Variants in SORCS2 observed in about 807,000 individuals in gnomAD.
SORCS2 encodes sortilin related VPS10 domain containing receptor 2, also known as VPS10 domain-containing receptor SorCS2.
Under a neutral mutation model 141.6 loss-of-function variants are expected in SORCS2, and 100 were observed. The ratio of observed to expected loss-of-function variants is 0.71; its 90% CI spans 0.60 to 0.83. SORCS2 has a LOEUF of 0.83. Ranked by LOEUF, SORCS2 falls within the 40% of genes least tolerant of loss-of-function variation. The probability of loss-of-function intolerance (pLI) is 0.00; values close to 1 mark genes in which losing one functional copy is unlikely to be tolerated. For synonymous variants in SORCS2, 789 were observed against 676.9 expected (o/e 1.17, Z -2.57); for missense variants, 1,646 against 1,560.2 (o/e 1.05, Z -0.93).
intron 1 of SORCS2, among the ~76,000 whole-genome samples, chr4:7,382,720 G>A (rs918532890): frequency 1.3e-5 from 2 of 151,964 alleles, no homozygotes; most frequent in Admixed American, 6.6e-5. Flanking sequence ...GCGTACGGGG[G>A]CTGGAGGGGA....
At chr4:7,739,330 C>A (rs1197407263) in intron 26 of SORCS2, among the ~76,000 whole-genome samples, 4 of 152,112 alleles carry the variant, frequency 2.6e-5, no homozygotes, top group African/African-American at 4.8e-5. Context: ...CAGGCGGCAT[C>A]ACCCCCATGC....
chr4:7,479,448 C>T (rs1449121477), intron 2 of SORCS2, among the ~76,000 whole-genome samples: 3 of 152,218 alleles, frequency 2.0e-5, no homozygotes, highest in African/African-American at 7.2e-5. Flanking sequence ...GCTTAGAGGT[C>T]ATCTCCCAGA....
intron 2 of SORCS2, among the ~76,000 whole-genome samples, chr4:7,489,668 T>C (rs144920610): frequency 1.6e-4 from 24 of 152,328 alleles, no homozygotes; most frequent in African/African-American, 5.3e-4. Flanking sequence ...TGAAAATCAA[T>C]GCATGTAATT....
At chr4:7,324,147 C>CA (rs1404096989) in intron 1 of SORCS2, among the ~76,000 whole-genome samples, 1 of 152,234 alleles carries the variant, frequency 6.6e-6, no homozygotes, top group Non-Finnish European at 1.5e-5. Context: ...CAGTCTGGCT[C>CA]TAAAGCCTAT....
At chr4:7,227,076 T>G (rs1310544037) in intron 1 of SORCS2, among the ~76,000 whole-genome samples, 1 of 152,130 alleles carries the variant, frequency 6.6e-6, no homozygotes, top group African/African-American at 2.4e-5. Flanking sequence ...TATGCACCTG[T>G]GGGTACTCTT....
chr4:7,737,318 G>A lies in SORCS2; in HGVS notation c.3415+146G>A, dbSNP rs918539966. ...AGCAGCCCTTGCCAGCGGGTCGGTC[G>A]GGCCCACTGTGTCCCCTCCATCTGA... On this transcript the variant is annotated intron_variant, in intron 26 of 26. Transcript: ENST00000507866. 2.9e-5 allele frequency: 34 copies of A among 1,155,230 alleles called. 1 individual carries two copies. Among genetic ancestry groups the A allele is most frequent in the South Asian group, 1.7e-4 (11 of 62,876 alleles). 71.6% of individuals were successfully genotyped at this position (1,155,230 alleles called of 1,614,324 possible).
At chr4:7,739,814 G>A (rs886484797) in intron 26 of SORCS2, among the ~76,000 whole-genome samples, 4 of 152,038 alleles carry the variant, frequency 2.6e-5, no homozygotes, top group East Asian at 1.9e-4. Context: ...TCCCACTCTC[G>A]CCTCCCGGGG....
chr4:7,293,302 TA>T lies in SORCS2; in HGVS notation c.480+100192del, dbSNP rs74517356. ...CTGGGCGAAAGAGCAAGACTCCATCTAAAAAAAAAAAAAAAAGAAATGGTGC... is the reference window on the plus strand; with the variant it reads ...CTGGGCGAAAGAGCAAGACTCCATCTAAAAAAAAAAAAAAAGAAATGGTGC... On this transcript the variant is annotated intron_variant, in intron 1 of 26. Transcript: ENST00000507866. Among the ~76,000 whole-genome samples, 962 of 127,320 alleles carry T rather than the reference TA, an allele frequency of 7.6e-3. 2 individuals are homozygous for T. Among genetic ancestry groups the T allele is most frequent in the African/African-American group, 8.0e-3 (274 of 34,196 alleles). 83.5% of individuals were successfully genotyped at this position (127,320 alleles called of 152,430 possible).
intron 2 of SORCS2, among the ~76,000 whole-genome samples, chr4:7,514,412 AACCTG>A (rs1478336468): frequency 1.3e-5 from 2 of 151,998 alleles, no homozygotes; most frequent in Admixed American, 1.3e-4. Context: ...TGCCCCTGGG[AACCTG>A]ACACTGTAGA....
chr4:7,214,672 T>C (rs1019507544), intron 1 of SORCS2, among the ~76,000 whole-genome samples: 2 of 152,202 alleles, frequency 1.3e-5, no homozygotes, highest in South Asian at 2.1e-4. Flanking sequence ...CCAGCTGGGA[T>C]ACCTCCAGTG....
chr4:7,535,314 G>T (rs951758737), intron 3 of SORCS2, among the ~76,000 whole-genome samples: 3 of 152,226 alleles, frequency 2.0e-5, no homozygotes, highest in African/African-American at 7.2e-5. Flanking sequence ...GAGGCAGGCA[G>T]GGCAGTTACG....
At chr4:7,314,066 G>T (rs368252323) in intron 1 of SORCS2, among the ~76,000 whole-genome samples, 148 of 152,334 alleles carry the variant, frequency 9.7e-4, no homozygotes, top group African/African-American at 3.4e-3. Context: ...GGAGCCCCCA[G>T]ATCCCCAACC....
intron 2 of SORCS2, among the ~76,000 whole-genome samples, chr4:7,437,945 G>A (rs905592456): frequency 1.3e-5 from 2 of 152,074 alleles, no homozygotes; most frequent in African/African-American, 4.8e-5. Context: ...TATAACCTTC[G>A]AGCGTAGGTG....
In SORCS2 at chr4:7,737,760, C is replaced by T. The variant is rs576295922; in HGVS notation, c.3415+588C>T. Among the ~76,000 whole-genome samples, 58 of 152,308 alleles carry T rather than the reference C, an allele frequency of 3.8e-4. No homozygotes were observed. The South Asian group carries it at 4.8e-3, about 13-fold the overall frequency. On this transcript the variant is annotated intron_variant, in intron 26 of 26. Transcript: ENST00000507866. ...GCGTAGCATCGTTTATGGCCGTTTTCTCTTCTGGTGTCTGGGAGCTGACTG... is the reference window on the plus strand; with the variant it reads ...GCGTAGCATCGTTTATGGCCGTTTTTTCTTCTGGTGTCTGGGAGCTGACTG...
chr4:7,309,352 T>C (rs1167607182), intron 1 of SORCS2, among the ~76,000 whole-genome samples: 1 of 152,200 alleles, frequency 6.6e-6, no homozygotes, highest in Non-Finnish European at 1.5e-5. Flanking sequence ...GCTCTTTTTA[T>C]GTACCTGTAA....
At chr4:7,327,377 CTG>C (rs1719332887) in intron 1 of SORCS2, among the ~76,000 whole-genome samples, 1 of 152,210 alleles carries the variant, frequency 6.6e-6, no homozygotes, top group Non-Finnish European at 1.5e-5. Context: ...TGGCCCCTCC[CTG>C]TGTGTCTCTG....
At chr4:7,319,966 TG>T (rs1285198404) in intron 1 of SORCS2, among the ~76,000 whole-genome samples, 1 of 152,138 alleles carries the variant, frequency 6.6e-6, no homozygotes, top group Non-Finnish European at 1.5e-5. Flanking sequence ...GTTGAGTTGG[TG>T]GTGTGGAGAT....
intron 3 of SORCS2, among the ~76,000 whole-genome samples, chr4:7,616,294 C>A (rs1179461054): frequency 2.0e-5 from 3 of 152,152 alleles, no homozygotes; most frequent in African/African-American, 7.2e-5. Context: ...CATATACATA[C>A]ACACACATCC....
rs371144431 is a variant in SORCS2 at position 7,682,892 on chromosome 4, A to G, written c.1488+3A>G. 8.4e-5 allele frequency: 135 copies of G among 1,613,024 alleles called. No homozygotes were observed. Among genetic ancestry groups the G allele is most frequent in the Non-Finnish European group, 1.1e-4 (128 of 1,179,588 alleles). On this transcript the variant is annotated splice_donor_region_variant and intron_variant, in intron 10 of 26. Transcript: ENST00000507866. ...GAAAACCAACCAACTGCAAGCCTGT[A>G]AGTACCTCTGCTCACATCACACACC...
Sources: allele counts gnomAD v4.1 joint callset (sites outside exome capture counted in the v4.1 genomes callset), GRCh38; gene constraint gnomAD v4.1.1; transcripts MANE v1.5; gene names NCBI Gene and HGNC (gene_info 2026-07-23, HGNC 2026-07-21).